TTC6: variants seen among roughly 807,000 people sequenced by gnomAD.
TTC6 encodes the protein tetratricopeptide repeat domain 6.
In TTC6, 172 loss-of-function variants were observed where a neutral mutation model predicts 210.4. That is an observed-to-expected ratio of 0.82 (90% confidence interval 0.72 to 0.93). The LOEUF is 0.93. Among genes scored for constraint, TTC6 ranks in the 40% least tolerant of loss-of-function variants. TTC6 has a pLI of 0.00. For synonymous variants in TTC6, 804 were observed against 819.6 expected (o/e 0.98, Z 0.32); for missense variants, 2,414 against 2,318.1 (o/e 1.04, Z -0.85).
At chr14:37,749,389 T>A (rs2095945282) in exon 11 of TTC6, 4 of 1,433,020 alleles carry the variant, frequency 2.8e-6, no homozygotes, top group Middle Eastern at 1.8e-4. Flanking sequence ...GTGCCATGAA[T>A]GATCTGCAGA....
intron 14 of TTC6, among the ~76,000 whole-genome samples, chr14:37,768,699 G>T (rs1339615322): frequency 1.3e-5 from 2 of 151,834 alleles, no homozygotes; most frequent in Non-Finnish European, 1.5e-5. Flanking sequence ...AGGAGATTTT[G>T]GGCTGAGACA....
At chr14:37,842,093 A>G in intron 30 of TTC6, 62 bp from the exon 33 acceptor site, 1 of 1,385,226 alleles carries the variant, frequency 7.2e-7, no homozygotes, top group African/African-American at 1.5e-5. Flanking sequence ...TTTTTTTTGT[A>G]AAAAAAGAGA....
intron 1 of TTC6, among the ~76,000 whole-genome samples, chr14:37,605,330 G>A (rs1182730956): frequency 6.6e-6 from 1 of 152,214 alleles, no homozygotes; most frequent in African/African-American, 2.4e-5. Context: ...GTCCTGCATA[G>A]CAGCTTCAGT....
intron 8 of TTC6, 81 bp downstream of exon 10, chr14:37,736,091 A>G: frequency 1.3e-6 from 1 of 796,670 alleles, no homozygotes; most frequent in South Asian, 1.8e-5. Context: ...TAATTCCAGA[A>G]ATTATTTCTT....
At chr14:37,606,236 A>G (rs1372913702) in intron 1 of TTC6, among the ~76,000 whole-genome samples, 1 of 152,144 alleles carries the variant, frequency 6.6e-6, no homozygotes, top group Non-Finnish European at 1.5e-5. Context: ...AGTACAGGCA[A>G]CTTTTGGTAG....
chr14:37,656,614 G>A (rs1049237168), intron 1 of TTC6, among the ~76,000 whole-genome samples: 5 of 151,984 alleles, frequency 3.3e-5, no homozygotes, highest in African/African-American at 1.2e-4. Flanking sequence ...ATGAATAGCT[G>A]TGGTGGAAGG....
chr14:37,692,570 A>G (rs1484765064), intron 3 of TTC6, among the ~76,000 whole-genome samples: 1 of 151,956 alleles, frequency 6.6e-6, no homozygotes, highest in East Asian at 1.9e-4. Context: ...AAAACCACAT[A>G]CGGTTTTTAC....
intron 20 of TTC6, among the ~76,000 whole-genome samples, chr14:37,799,294 A>T (rs1390386205): frequency 1.3e-5 from 2 of 152,170 alleles, no homozygotes; most frequent in Non-Finnish European, 2.9e-5. Flanking sequence ...AAACTAAAAA[A>T]ACTTTATTTT....
intron 5 of TTC6, among the ~76,000 whole-genome samples, chr14:37,711,443 G>A (rs914723163): frequency 2.6e-5 from 4 of 152,156 alleles, no homozygotes; most frequent in Admixed American, 6.6e-5. Context: ...TCTCGTGGAG[G>A]AATTGAGATC....
At chr14:37,771,085 A>C (rs1407407646) in intron 14 of TTC6, among the ~76,000 whole-genome samples, 1 of 149,036 alleles carries the variant, frequency 6.7e-6, no homozygotes, top group African/African-American at 2.5e-5. Context: ...CTGGATATGA[A>C]ATTCTGGGTT....
At chr14:37,736,429 T>G (rs2095901914) in intron 8 of TTC6, among the ~76,000 whole-genome samples, 1 of 152,148 alleles carries the variant, frequency 6.6e-6, no homozygotes, top group Non-Finnish European at 1.5e-5. Flanking sequence ...GAAGATACAT[T>G]TCTACTTTCT....
chr14:37,777,739 T>G (rs1172093738), intron 14 of TTC6, among the ~76,000 whole-genome samples: 1 of 151,668 alleles, frequency 6.6e-6, no homozygotes, highest in Non-Finnish European at 1.5e-5. Context: ...TGAAGTTCCT[T>G]CAGTCTTTGA....
At chr14:37,597,004 C>CTT (rs2095605873) in intron 1 of TTC6, among the ~76,000 whole-genome samples, 1 of 132,994 alleles carries the variant, frequency 7.5e-6, no homozygotes, top group South Asian at 2.6e-4. Flanking sequence ...CATTGGATTA[C>CTT]ATTTTTTTTT....
intron 7 of TTC6, among the ~76,000 whole-genome samples, chr14:37,728,615 G>T (rs1165702931): frequency 1.3e-5 from 2 of 152,036 alleles, no homozygotes; most frequent in African/African-American, 2.4e-5. Flanking sequence ...ATATTTTTAG[G>T]TTAATACTTC....
chr14:37,703,527 G>C lies in TTC6; in HGVS notation c.1571+2001G>C, dbSNP rs534978662. On this transcript the variant is annotated intron_variant, in intron 5 of 30. Transcript: ENST00000553443. ...TGCACTACCAAGCGTTCTCAAGAAA[G>C]GTAACTGTAAACAAAATGAATACCT... Among the ~76,000 whole-genome samples the C allele has an allele frequency of 9.9e-4, 150 of 152,168 alleles. 5 individuals are homozygous for C. Among genetic ancestry groups the C allele is most frequent in the Admixed American group, 9.0e-3 (138 of 15,262 alleles).
chr14:37,841,707 G>A (rs1047332901), intron 30 of TTC6, 37 bp downstream of exon 32: 1 of 1,476,426 alleles, frequency 6.8e-7, no homozygotes, highest in African/African-American at 1.4e-5. Context: ...AGATTACAGT[G>A]GTTGAAGTGA....
At chr14:37,711,713 A>C (rs1399182350) in intron 5 of TTC6, among the ~76,000 whole-genome samples, 1 of 152,034 alleles carries the variant, frequency 6.6e-6, no homozygotes, top group Non-Finnish European at 1.5e-5. Flanking sequence ...AGTCAGTGAG[A>C]TGTTTGCAGA....
In TTC6 at chr14:37,670,805, A is replaced by G. The variant is rs550388700; in HGVS notation, c.940-9346A>G. Among the ~76,000 whole-genome samples, 38 of 152,184 alleles carry G rather than the reference A, an allele frequency of 2.5e-4. No individual in the cohort carries two copies. In the South Asian group the frequency reaches 5.2e-3, roughly 21 times the overall value. ...CACTTTTTAATGGGTTTGTAAAGCA[A>G]TATGTATCTTTTAAAAAGGCTAAGA... On this transcript the variant is annotated intron_variant, in intron 1 of 30. Coordinates refer to ENST00000553443, the Ensembl canonical transcript of TTC6.
chr14:37,699,611 G>A (rs977142765), intron 4 of TTC6, among the ~76,000 whole-genome samples: 7 of 152,180 alleles, frequency 4.6e-5, no homozygotes, highest in Non-Finnish European at 8.8e-5. Context: ...ATAGACAGAG[G>A]CTGCCGTGCT....
Sources: gnomAD v4.1 joint callset for allele counts (sites outside exome capture counted in the v4.1 genomes callset) on GRCh38, gnomAD v4.1.1 for gene constraint, MANE v1.5 for transcripts, NCBI Gene and HGNC (gene_info 2026-07-23, HGNC 2026-07-21) for gene names.